Variants in FNDC4 observed in about 807,000 individuals in gnomAD.
FNDC4 encodes the protein fibronectin type III domain containing 4, also known as fibronectin type III domain-containing protein 4.
FNDC4 carries 11 observed loss-of-function variants against 25.1 expected under a neutral mutation model. That is an observed-to-expected ratio of 0.44 (90% CI 0.28 to 0.73). FNDC4 has a LOEUF of 0.73. Among genes scored for constraint, FNDC4 ranks in the 30% least tolerant of loss-of-function variants. FNDC4 has a pLI of 0.16. For missense variants in FNDC4, 250 were observed against 304.3 expected (o/e 0.82, Z 1.33); for synonymous variants, 136 against 118.8 (o/e 1.14, Z -0.94).
At position 27,494,608 on chromosome 2, in the gene FNDC4, G is replaced by T; in HGVS notation, c.72C>A (p.Ser24=). Reference sequence around the variant, plus strand: ...GGAGGACCGTGGGGCTTAGATATGGGGAAAGGGGCACCAGCGAAGCCATGT... The same window carrying T: ...GGAGGACCGTGGGGCTTAGATATGGTGAAAGGGGCACCAGCGAAGCCATGT... ...RGDMASLVPL[S]PYLSPTVLLL... is the part of the protein sequence containing the mutation. The change falls in exon 2 of 7, where the codon TCC becomes TCA. Residue 24 remains serine (S), a synonymous_variant. Transcript: ENST00000264703. The surrounding 1 kb of genome is among the most constrained non-coding windows in gnomAD (Gnocchi z 4.6). 3 of 1,610,818 alleles carry T rather than the reference G, an allele frequency of 1.9e-6. No individual in the cohort carries two copies. The highest frequency in any genetic ancestry group is 2.5e-6 in the Non-Finnish European group (3 of 1,178,732).
rs1381110284 is a variant in FNDC4, at chr2:27,494,681, C to T, written c.-2G>A. ...GGAACTGTGGCATCCGCTTGGCATC[C>T]GCTTGACATCCAGGCGGGGCTCCTG... On this transcript the variant is annotated 5_prime_UTR_variant, in exon 2 of 7. Coordinates refer to ENST00000264703, the MANE Select transcript of FNDC4 (RefSeq NM_022823.3). The surrounding 1 kb of genome is among the most constrained non-coding windows in gnomAD (Gnocchi z 4.6). 1.3e-6 allele frequency: 2 copies of T among 1,540,828 alleles called. No individual in the cohort carries two copies. Among genetic ancestry groups the T allele is most frequent in the East Asian group, 2.4e-5 (1 of 42,266 alleles).
In FNDC4 at chr2:27,494,101, C is replaced by G; in HGVS notation, c.283G>C (p.Glu95Gln). 6.2e-7 allele frequency: 1 copy of G among 1,614,126 alleles called. No homozygotes were observed. The highest frequency in any genetic ancestry group is 1.1e-5 in the South Asian group (1 of 91,090). The change falls in exon 4 of 7, where the codon GAG becomes CAG. Residue 95 changes from glutamate to glutamine, a missense_variant. Glu to Gln is a conservative substitution (Grantham distance 29). Transcript: ENST00000264703. This position sits in a 1 kb window ranked among gnomAD's most constrained non-coding sequence, Gnocchi z 4.6. Reference sequence around the variant, plus strand: ...CAGGCCCGGGTGGTGGTGTTCACCTCCCGAATCACACGCTGCCCGGGGCCA... The same window carrying G: ...CAGGCCCGGGTGGTGGTGTTCACCTGCCGAATCACACGCTGCCCGGGGCCA... ...QNGPGQRVIR[E>Q]VNTTTRACAL...
chr2:27,493,791 C>G (rs1281605110), intron 4 of FNDC4, 139 bp downstream of exon 4: 3 of 853,444 alleles, frequency 3.5e-6, no homozygotes, highest in Non-Finnish European at 5.6e-6. Flanking sequence ...TTCCCACCTG[C>G]TTTTCTTTCC....
In FNDC4 at chr2:27,494,738, T is replaced by C; in HGVS notation, c.-24-35A>G. The C allele has an allele frequency of 2.3e-6, 3 of 1,332,542 alleles. No homozygotes were observed. Among genetic ancestry groups the C allele is most frequent in the Non-Finnish European group, 3.0e-6 (3 of 995,634 alleles). The allele number at this position is 1,332,542 out of a possible 1,614,324, so 82.5% of individuals were successfully genotyped here. ...GCAGGAGTTGTGGGGGGTCAAGGAC[T>C]GCCCAGAACGCACGGAGGTCGGGGG... On this transcript the variant is annotated intron_variant, in intron 1 of 6. Transcript: ENST00000264703. The surrounding 1 kb of genome is among the most constrained non-coding windows in gnomAD (Gnocchi z 4.6).
Position 27,494,759 on chromosome 2 carries a change from G to C in FNDC4, c.-24-56C>G, listed in dbSNP as rs1669343721. 1 of 813,766 alleles carries C rather than the reference G, an allele frequency of 1.2e-6. No individual in the cohort carries two copies. Among genetic ancestry groups the C allele is most frequent in the African/African-American group, 1.7e-5 (1 of 57,766 alleles). The allele number at this position is 813,766 out of a possible 1,614,324, so 50.4% of individuals were successfully genotyped here. ...GGACTGCCCAGAACGCACGGAGGTC[G>C]GGGGGCAGCAGCTCTCCTGGGCTCC... On this transcript the variant is annotated intron_variant, in intron 1 of 6. Coordinates refer to ENST00000264703, the MANE Select transcript of FNDC4 (RefSeq NM_022823.3). This position sits in a 1 kb window ranked among gnomAD's most constrained non-coding sequence, Gnocchi z 4.6.
chr2:27,494,424 C>A lies in FNDC4; in HGVS notation c.176G>T (p.Arg59Ile), dbSNP rs764161091. The A allele has an allele frequency of 6.2e-7, 1 of 1,614,080 alleles. No homozygotes were observed. The part of the protein sequence containing the change: ...SPVNVTVTHL[R>I]ANSATVSWDV... ...CCAGGACACAGTGGCCGAGTTGGCT[C>A]TGAGGTGAGTGACCGTCACATTCAC... is the stretch of plus-strand genomic sequence containing the variant. The change falls in exon 3 of 7, where the codon AGA becomes ATA. Residue 59 changes from arginine to isoleucine, a missense_variant. Coordinates refer to ENST00000264703, the MANE Select transcript of FNDC4 (RefSeq NM_022823.3). This position sits in a 1 kb window ranked among gnomAD's most constrained non-coding sequence, Gnocchi z 4.6.
rs1669306036 is a variant in FNDC4, at chr2:27,493,425, C to T, written c.508G>A (p.Val170Met). Reference protein sequence around the residue: ...DGERPLQTGEVVIIVVVLLMW... With the variant: ...DGERPLQTGEMVIIVVVLLMW... ...AGCAACACCACCACAATGATGACCA[C>T]TTCCCCAGTCTGCAGTGGCCGCTCT... Residue 170 changes from valine (V) to methionine (M), a missense_variant, in exon 5 of 7, where the codon GTG (valine) becomes ATG (methionine). Val to Met is a conservative substitution (Grantham distance 21). Coordinates refer to ENST00000264703, the MANE Select transcript of FNDC4 (RefSeq NM_022823.3). The T allele has an allele frequency of 1.2e-6, 2 of 1,614,092 alleles. No individual in the cohort carries two copies. Among genetic ancestry groups the T allele is most frequent in the East Asian group, 4.5e-5 (2 of 44,884 alleles).
chr2:27,494,617 C>T lies in FNDC4; in HGVS notation c.63G>A (p.Val21=). 6.2e-7 allele frequency: 1 copy of T among 1,608,438 alleles called. No homozygotes were observed. The highest frequency in any genetic ancestry group is 1.7e-4 in the Middle Eastern group (1 of 6,022). Residue 21 remains valine, a synonymous_variant, in exon 2 of 7, where the codon GTG becomes GTA. Transcript: ENST00000264703. This position sits in a 1 kb window ranked among gnomAD's most constrained non-coding sequence, Gnocchi z 4.6. ...TGGGGCTTAGATATGGGGAAAGGGG[C>T]ACCAGCGAAGCCATGTCCCCACGGA... The part of the protein sequence containing the change: ...SGLRGDMASL[V]PLSPYLSPTV...
chr2:27,493,456 C>G lies in FNDC4; in HGVS notation c.477G>C (p.Leu159=). 6.2e-7 allele frequency: 1 copy of G among 1,613,846 alleles called. No individual in the cohort carries two copies. ...SSPGDITVEG[L]DGERPLQTGE... ...CAGTCTGCAGTGGCCGCTCTCCATC[C>G]AGACCTTCCACTGTGATGTCACCTG... is the stretch of plus-strand genomic sequence containing the variant. Residue 159 remains leucine (L), a synonymous_variant, in exon 5 of 7, where the codon CTG becomes CTC. Transcript: ENST00000264703.
rs1341674733 is a variant in FNDC4 at position 27,492,744 on chromosome 2, A to C, written c.591T>G (p.Asn197Lys). The part of the protein sequence containing the change: ...FCRQYDIIKD[N>K]DSNNNPKEKG... ...TCTCCTTGGGATTGTTGTTGGAGTC[A>C]TTGTCCTTGATGATGTCATACTGAC... is the stretch of plus-strand genomic sequence containing the variant. The change falls in exon 6 of 7, where the codon AAT (asparagine) becomes AAG (lysine). Residue 197 changes from asparagine (N) to lysine (K), a missense_variant. By Grantham distance (94) the Asn-to-Lys change is moderately conservative. Transcript: ENST00000264703. The surrounding 1 kb of genome is among the most constrained non-coding windows in gnomAD (Gnocchi z 4.1). 2.5e-6 allele frequency: 4 copies of C among 1,614,034 alleles called. No individual in the cohort carries two copies. The highest frequency in any genetic ancestry group is 3.4e-6 in the Non-Finnish European group (4 of 1,180,002).
chr2:27,494,200 A>T lies in FNDC4; in HGVS notation c.250-66T>A. On this transcript the variant is annotated intron_variant, in intron 3 of 6. Transcript: ENST00000264703. The surrounding 1 kb of genome is among the most constrained non-coding windows in gnomAD (Gnocchi z 4.6). ...GTGCCAGGCCACAAGGCTCAACCAG[A>T]GACTCTTCAACATCCAAGCACTCCG... 2 of 1,520,110 alleles carry T rather than the reference A, an allele frequency of 1.3e-6. No individual in the cohort carries two copies. Among genetic ancestry groups the T allele is most frequent in the Non-Finnish European group, 1.8e-6 (2 of 1,105,188 alleles). The allele number at this position is 1,520,110 out of a possible 1,614,324, so 94.2% of individuals were successfully genotyped here.
Position 27,493,447 on chromosome 2 carries a change from C to T in FNDC4, c.486G>A (p.Glu162=), listed in dbSNP as rs780311545. ...GDITVEGLDG[E]RPLQTGEVVI... ...CCACTTCCCCAGTCTGCAGTGGCCG[C>T]TCTCCATCCAGACCTTCCACTGTGA... Residue 162 remains glutamate (E), a synonymous_variant, in exon 5 of 7, where the codon GAG becomes GAA. Transcript: ENST00000264703. The T allele has an allele frequency of 1.7e-5, 27 of 1,613,864 alleles. No individual in the cohort carries two copies. Among genetic ancestry groups the T allele is most frequent in the Non-Finnish European group, 2.2e-5 (26 of 1,179,862 alleles).
chr2:27,492,832 C>G lies in FNDC4; in HGVS notation c.545-42G>C. 1.9e-6 allele frequency: 3 copies of G among 1,612,380 alleles called. No homozygotes were observed. The highest frequency in any genetic ancestry group is 2.5e-6 in the Non-Finnish European group (3 of 1,179,378). On this transcript the variant is annotated intron_variant, in intron 5 of 6. Transcript: ENST00000264703. This position sits in a 1 kb window ranked among gnomAD's most constrained non-coding sequence, Gnocchi z 4.1. ...TCTGAGCCTTCATCTCCACTTCCCC[C>G]CTCATAGGGAGATACCTACGTAGCT...
intron 4 of FNDC4, 24 bp downstream of exon 4, chr2:27,493,906 G>T (rs747260557): frequency 1.2e-6 from 2 of 1,609,970 alleles, no homozygotes; most frequent in Non-Finnish European, 1.7e-6. Flanking sequence ...AGCAGCCAGA[G>T]AATCCAATAG....
chr2:27,492,321 T>G lies in FNDC4; in HGVS notation c.*122A>C. The G allele has an allele frequency of 7.9e-5, 96 of 1,222,050 alleles. No homozygotes were observed. The highest frequency in any genetic ancestry group is 1.1e-4 in the Non-Finnish European group (91 of 826,318). The allele number at this position is 1,222,050 out of a possible 1,614,324, so 75.7% of individuals were successfully genotyped here. A position where few individuals can be genotyped will look rare whatever the true frequency, so the allele number is the denominator to read the frequency against. ...GTGGAAAGAGGATGGGTACCAGGCCTGAGATTGTGGGAGTGGCATTACCCT... is the reference window on the plus strand; with the variant it reads ...GTGGAAAGAGGATGGGTACCAGGCCGGAGATTGTGGGAGTGGCATTACCCT... On this transcript the variant is annotated 3_prime_UTR_variant, in exon 7 of 7. Transcript: ENST00000264703. The surrounding 1 kb of genome is among the most constrained non-coding windows in gnomAD (Gnocchi z 4.1).
Position 27,492,224 on chromosome 2 carries a change from C to G in FNDC4, c.*219G>C. 1 of 609,030 alleles carries G rather than the reference C, an allele frequency of 1.6e-6. No individual in the cohort carries two copies. The highest frequency in any genetic ancestry group is 2.9e-6 in the Non-Finnish European group (1 of 340,590). 37.7% of individuals were successfully genotyped at this position (609,030 alleles called of 1,614,324 possible). A position where few individuals can be genotyped will look rare whatever the true frequency, so the allele number is the denominator to read the frequency against. On this transcript the variant is annotated 3_prime_UTR_variant, in exon 7 of 7. Coordinates refer to ENST00000264703, the MANE Select transcript of FNDC4 (RefSeq NM_022823.3). The surrounding 1 kb of genome is among the most constrained non-coding windows in gnomAD (Gnocchi z 4.1). ...TGGACCGGGGAATGGAAGGAGATATCCCATCTGATATCCACTCCCCAGGTC... is the reference window on the plus strand; with the variant it reads ...TGGACCGGGGAATGGAAGGAGATATGCCATCTGATATCCACTCCCCAGGTC...
chr2:27,493,826 A>T (rs557594023), intron 4 of FNDC4, 104 bp downstream of exon 4: 16 of 1,062,562 alleles, frequency 1.5e-5, no homozygotes, highest in Non-Finnish European at 2.2e-5. Context: ...AATGAATTAA[A>T]TCATCCTATT....
At chr2:27,493,672 GTTAA>G (rs1192916574) in intron 4 of FNDC4, among the ~76,000 whole-genome samples, 194 bp from the exon 5 acceptor site, 1 of 152,218 alleles carries the variant, frequency 6.6e-6, no homozygotes, top group Non-Finnish European at 1.5e-5. Context: ...ATGGCTGCAG[GTTAA>G]TTACTCACTC....
rs1039560419 is a variant in FNDC4 at position 27,494,317 on chromosome 2, A to T, written c.249+34T>A. The T allele has an allele frequency of 9.6e-6, 15 of 1,563,762 alleles. No homozygotes were observed. The highest frequency in any genetic ancestry group is 1.7e-5 in the Admixed American group (1 of 59,558). Reference sequence around the variant, plus strand: ...TGAAGAAATGTGCCGAAATCCAAGGACACAGGTTGGGGGAGCAGAAGGGTG... The same window carrying T: ...TGAAGAAATGTGCCGAAATCCAAGGTCACAGGTTGGGGGAGCAGAAGGGTG... On this transcript the variant is annotated intron_variant, in intron 3 of 6. Coordinates refer to ENST00000264703, the MANE Select transcript of FNDC4 (RefSeq NM_022823.3). This position sits in a 1 kb window ranked among gnomAD's most constrained non-coding sequence, Gnocchi z 4.6.
Sources: allele counts gnomAD v4.1 joint callset (sites outside exome capture counted in the v4.1 genomes callset), GRCh38; gene constraint gnomAD v4.1.1; non-coding constraint Gnocchi (gnomAD v3.1); transcripts MANE v1.5; gene names NCBI Gene and HGNC (gene_info 2026-07-23, HGNC 2026-07-21).